The following SPRY3 variants were observed in gnomAD, a reference collection of about 807,000 sequenced individuals.
The protein encoded by SPRY3 is sprouty RTK signaling antagonist 3.
SPRY3 carries 15 observed loss-of-function variants against 20.2 expected under a neutral mutation model. That is an observed-to-expected ratio of 0.74 (90% CI 0.50 to 1.14). SPRY3 has a LOEUF of 1.14. Among genes scored for constraint, SPRY3 ranks in the 50% most tolerant of loss-of-function variants. SPRY3 has a pLI of 0.00. For synonymous variants in SPRY3, 143 were observed against 136.5 expected (o/e 1.05, Z -0.33); for missense variants, 364 against 363.9 (o/e 1.00, Z 0.00).
chrX:155,766,781 C>T (rs933616371), intron 2 of SPRY3, among the ~76,000 whole-genome samples: 9 of 152,110 alleles, frequency 5.9e-5, no homozygotes, highest in Admixed American at 4.6e-4. Flanking sequence ...AGGCAGGAAT[C>T]CACAACACCT....
intron 2 of SPRY3, among the ~76,000 whole-genome samples, chrX:155,743,177 T>C (rs985146814): frequency 3.9e-5 from 6 of 151,934 alleles, no homozygotes; most frequent in African/African-American, 1.5e-4. Flanking sequence ...CATCGGAAAA[T>C]GCTATAAACA....
chrX:155,645,869 G>A (rs1483552424), intron 1 of SPRY3, among the ~76,000 whole-genome samples: 3 of 111,641 alleles, frequency 2.7e-5, no homozygotes, highest in Non-Finnish European at 3.8e-5. Flanking sequence ...CTTGTGGAGG[G>A]GATGATTAGT....
chrX:155,779,506 T>C (rs1211120635), downstream of SPRY3: 1 of 166,992 alleles, frequency 6.0e-6, no homozygotes, highest in African/African-American at 2.4e-5. Flanking sequence ...CCCTGTTCAA[T>C]TAAAGGAGTA....
At chrX:155,745,393 A>C (rs1390100483) in intron 2 of SPRY3, among the ~76,000 whole-genome samples, 1 of 152,048 alleles carries the variant, frequency 6.6e-6, no homozygotes, top group East Asian at 1.9e-4. Context: ...CATGAAGTGC[A>C]GCTATTGAGA....
chrX:155,616,134 T>TCTCTCCCTCTCTCTCTC (rs1557348871), intron 1 of SPRY3, among the ~76,000 whole-genome samples: 1 of 58,433 alleles, frequency 1.7e-5, no homozygotes. Context: ...CTCTCTCCTC[T>TCTCTCCCTCTCTCTCTC]CTCTCTCTCT....
chrX:155,655,547 T>C (rs1024532781), intron 1 of SPRY3, among the ~76,000 whole-genome samples: 10 of 111,613 alleles, frequency 9.0e-5, no homozygotes, highest in Admixed American at 6.7e-4. Context: ...GTGAGAGATA[T>C]GGGTCCAGGT....
chrX:155,708,418 C>G (rs1345610236), intron 2 of SPRY3, among the ~76,000 whole-genome samples: 2 of 151,188 alleles, frequency 1.3e-5, no homozygotes, highest in Non-Finnish European at 3.0e-5. Context: ...GATGAGTTAT[C>G]TCCTGCTGCT....
At chrX:155,753,954 T>C (rs1047469741) in intron 2 of SPRY3, among the ~76,000 whole-genome samples, 8 of 151,986 alleles carry the variant, frequency 5.3e-5, no homozygotes, top group Non-Finnish European at 1.0e-4. Context: ...TTTTAGTTGT[T>C]GAGTTGAAGA....
At chrX:155,714,788 A>G (rs1484771106) in intron 2 of SPRY3, among the ~76,000 whole-genome samples, 1 of 152,066 alleles carries the variant, frequency 6.6e-6, no homozygotes, top group Non-Finnish European at 1.5e-5. Context: ...CACTCAAACC[A>G]CAATACAAAG....
chrX:155,718,361 T>A (rs891650412), intron 2 of SPRY3, among the ~76,000 whole-genome samples: 2 of 152,130 alleles, frequency 1.3e-5, no homozygotes, highest in African/African-American at 4.8e-5. Flanking sequence ...CTGTGCCCCA[T>A]AACTATGTAT....
intron 2 of SPRY3, among the ~76,000 whole-genome samples, chrX:155,704,740 A>T (rs2090937708): frequency 6.6e-6 from 1 of 151,676 alleles, no homozygotes; most frequent in Non-Finnish European, 1.5e-5. Context: ...CTGCTGGAAG[A>T]CAAAAGACAA....
At chrX:155,730,770 C>A (rs1433161777) in intron 2 of SPRY3, among the ~76,000 whole-genome samples, 3 of 152,052 alleles carry the variant, frequency 2.0e-5, no homozygotes, top group Non-Finnish European at 4.4e-5. Context: ...AACCTAAAGA[C>A]TCCACCAGAA....
intron 2 of SPRY3, among the ~76,000 whole-genome samples, chrX:155,707,099 A>G (rs1280151257): frequency 2.7e-5 from 4 of 150,652 alleles, no homozygotes; most frequent in African/African-American, 9.7e-5. Flanking sequence ...TTGATTTGCA[A>G]TGTTTCTTCA....
chrX:155,751,950 A>AAAT (rs1231182437), intron 2 of SPRY3, among the ~76,000 whole-genome samples: 1 of 133,220 alleles, frequency 7.5e-6, no homozygotes, highest in Non-Finnish European at 1.7e-5. Context: ...AAATAAAATA[A>AAAT]AATAAAATAA....
At chrX:155,612,709 A>C (rs1172755365) in intron 1 of SPRY3, 62 bp downstream of exon 1, 1 of 112,507 alleles carries the variant, frequency 8.9e-6, no homozygotes, top group Non-Finnish European at 1.9e-5. Context: ...CCACTGCGAC[A>C]GGCCTGAAAG....
intron 2 of SPRY3, among the ~76,000 whole-genome samples, chrX:155,759,412 C>A (rs1343758535): frequency 1.3e-5 from 2 of 152,146 alleles, no homozygotes; most frequent in Non-Finnish European, 2.9e-5. Flanking sequence ...CTGCTCCTTT[C>A]CAAAACACAT....
intron 2 of SPRY3, among the ~76,000 whole-genome samples, chrX:155,714,043 CT>C (rs1248439820): frequency 2.0e-5 from 3 of 152,028 alleles, no homozygotes; most frequent in African/African-American, 7.2e-5. Context: ...TTGCTTGATT[CT>C]TTTTAAGTTT....
chrX:155,717,171 T>C (rs1441395596), intron 2 of SPRY3, among the ~76,000 whole-genome samples: 1 of 148,398 alleles, frequency 6.7e-6, no homozygotes, highest in African/African-American at 2.5e-5. Context: ...AAAAAAAAGA[T>C]ATCATCAACT....
intron 2 of SPRY3, among the ~76,000 whole-genome samples, chrX:155,740,020 G>C (rs1377840893): frequency 1.3e-5 from 2 of 152,098 alleles, no homozygotes; most frequent in East Asian, 3.9e-4. Context: ...ATGTGTTGTG[G>C]GAAGTCAGGG....
Sources: allele counts gnomAD v4.1 joint callset (sites outside exome capture counted in the v4.1 genomes callset), GRCh38; gene constraint gnomAD v4.1.1; transcripts MANE v1.5; gene names NCBI Gene and HGNC (gene_info 2026-07-23, HGNC 2026-07-21).